The following SAMD11 variants were observed in gnomAD, a reference collection of about 807,000 sequenced individuals.
SAMD11 encodes sterile alpha motif domain containing 11, also known as sterile alpha motif domain-containing protein 11.
SAMD11 carries 77 observed loss-of-function variants against 64.4 expected under a neutral mutation model. The ratio of observed to expected loss-of-function variants is 1.20; its 90% CI spans 0.99 to 1.44. The LOEUF is 1.44. SAMD11 is among the 40% of genes most tolerant of loss of function. SAMD11 has a pLI of 0.00. For synonymous variants in SAMD11, 658 were observed against 421.9 expected (o/e 1.56, Z -6.86); for missense variants, 1,402 against 943.3 (o/e 1.49, Z -6.37).
At chr1:936,678 G>T (rs1439500663) in intron 5 of SAMD11, among the ~76,000 whole-genome samples, 18 of 152,060 alleles carry the variant, frequency 1.2e-4, no homozygotes, top group African/African-American at 4.3e-4. Context: ...CATCTCTTGG[G>T]AAGGAGGGGT....
At position 939,895 on chromosome 1, in the gene SAMD11, A is replaced by T. The variant is rs549461135; in HGVS notation, c.1195+483A>T. On this transcript the variant is annotated intron_variant, in intron 7 of 13. Transcript: ENST00000616016. ...GGCCACCAGGACTCCCCAGGTGCTG[A>T]AGAGACGCCAGCTGGAGGGGCTGCC... 4.1e-4 allele frequency among the ~76,000 whole-genome samples: 62 copies of T among 152,154 alleles called. 1 individual carries two copies. In the South Asian group the frequency reaches 0.012, roughly 30 times the overall value.
At chr1:925,001 C>T (rs1640806663) in intron 1 of SAMD11, 53 bp downstream of exon 1, 1 of 152,326 alleles carries the variant, frequency 6.6e-6, no homozygotes, top group Non-Finnish European at 1.5e-5. Context: ...GACCCCACCC[C>T]CTACCCGACT....
chr1:939,194 G>C, intron 6 of SAMD11, 65 bp downstream of exon 6: 1 of 1,551,844 alleles, frequency 6.4e-7, no homozygotes, highest in Non-Finnish European at 8.7e-7. Context: ...AGGGTCCCCT[G>C]GACCTCGAGC....
intron 5 of SAMD11, among the ~76,000 whole-genome samples, chr1:938,396 A>G (rs1017198918): frequency 1.5e-4 from 23 of 151,632 alleles, no homozygotes; most frequent in African/African-American, 5.4e-4. Context: ...CCAGAAGCCC[A>G]GAGCCTGGCT....
Position 944,332 on chromosome 1 carries a change from G to C in SAMD11, c.*179G>C, listed in dbSNP as rs1415628434. 16 of 1,384,608 alleles carry C rather than the reference G, an allele frequency of 1.2e-5. No individual in the cohort carries two copies. Among genetic ancestry groups the C allele is most frequent in the Non-Finnish European group, 1.3e-5 (14 of 1,076,890 alleles). The allele number at this position is 1,384,608 out of a possible 1,614,324, so 85.8% of individuals were successfully genotyped here. On this transcript the variant is annotated 3_prime_UTR_variant, in exon 14 of 14. Coordinates refer to ENST00000616016, the MANE Select transcript of SAMD11 (RefSeq NM_001385641.1). ...TCAAAGACTTGGGGGAGTGAAGGCA[G>C]AGCCTGGTGCAGATGGACGAGGTCT...
chr1:928,691 C>T (rs1049356337), intron 2 of SAMD11, among the ~76,000 whole-genome samples: 7 of 152,244 alleles, frequency 4.6e-5, no homozygotes, highest in East Asian at 1.9e-4. Flanking sequence ...AGCAGTGCTG[C>T]GTTTTCCCAG....
rs758613821 is a variant in SAMD11, at chr1:941,271, C to CGCCGCCCCAGCT, written c.1332_1343dup (p.Ala445_Pro448dup). On this transcript the variant is annotated inframe_insertion, in exon 8 of 14. Transcript: ENST00000616016. ...AGGGCCTGGCTCAGCACCGGGAGGG[C>CGCCGCCCCAGCT]GCCGCCCCAGCTGCCGCCCCGTCCT... 24 of 1,597,086 alleles carry CGCCGCCCCAGCT rather than the reference C, an allele frequency of 1.5e-5. No homozygotes were observed. The highest frequency in any genetic ancestry group is 1.9e-5 in the Non-Finnish European group (22 of 1,172,282).
In SAMD11 at chr1:942,539, C is replaced by T. The variant is rs1641848925; in HGVS notation, c.1554-20C>T. The stretch of plus-strand genomic sequence containing the variant: ...CGCGCGGCCCGGGAGGCGGCTGACC[C>T]GCGTCTGCCCCCGGCCCAGGCTGGA... On this transcript the variant is annotated intron_variant, in intron 10 of 13. Coordinates refer to ENST00000616016, the MANE Select transcript of SAMD11 (RefSeq NM_001385641.1). The T allele has an allele frequency of 4.3e-6, 6 of 1,406,866 alleles. No individual in the cohort carries two copies. In the East Asian group the frequency reaches 1.5e-4, roughly 36 times the overall value. 87.1% of individuals were successfully genotyped at this position (1,406,866 alleles called of 1,614,324 possible). A position where few individuals can be genotyped will look rare whatever the true frequency, so the allele number is the denominator to read the frequency against.
rs1478582115 is a variant in SAMD11, at chr1:944,386, G to A, written c.*233G>A. On this transcript the variant is annotated 3_prime_UTR_variant, in exon 14 of 14. Coordinates refer to ENST00000616016, the MANE Select transcript of SAMD11 (RefSeq NM_001385641.1). ...GACGGAGGGCAGAGGTGGTGGAAGG[G>A]GCCAGGGGCCTGCAGGCCTCCCCCT... The A allele has an allele frequency of 2.3e-6, 3 of 1,314,648 alleles. No homozygotes were observed. The highest frequency in any genetic ancestry group is 2.9e-5 in the East Asian group (1 of 34,662). The allele number at this position is 1,314,648 out of a possible 1,614,324, so 81.4% of individuals were successfully genotyped here. A position where few individuals can be genotyped will look rare whatever the true frequency, so the allele number is the denominator to read the frequency against.
In SAMD11 at chr1:944,231, T is replaced by C; in HGVS notation, c.*78T>C. On this transcript the variant is annotated 3_prime_UTR_variant, in exon 14 of 14. Transcript: ENST00000616016. The stretch of plus-strand genomic sequence containing the variant: ...ACACAATGGCCCTGCCTCCCACCGC[T>C]TTATTTCTTTCGGTTTCGGATGCAA... The C allele has an allele frequency of 3.4e-6, 5 of 1,459,912 alleles. No homozygotes were observed. In the African/African-American group the frequency reaches 7.1e-5, roughly 21 times the overall value. The allele number at this position is 1,459,912 out of a possible 1,614,324, so 90.4% of individuals were successfully genotyped here.
intron 3 of SAMD11, among the ~76,000 whole-genome samples, chr1:930,543 G>A (rs546532432): frequency 3.3e-4 from 50 of 152,246 alleles, no homozygotes; most frequent in African/African-American, 1.1e-3. Flanking sequence ...TCTGCTCTGC[G>A]GCGCTCACTG....
At chr1:943,139 A>G (rs936281683) in intron 11 of SAMD11, 81 bp downstream of exon 11, 10 of 1,577,134 alleles carry the variant, frequency 6.3e-6, no homozygotes, top group African/African-American at 5.4e-5. Context: ...GGGGGAGGAA[A>G]AATTCCCCTT....
chr1:935,420 C>T (rs1052316406), intron 4 of SAMD11, among the ~76,000 whole-genome samples: 5 of 142,526 alleles, frequency 3.5e-5, no homozygotes, highest in African/African-American at 6.2e-5. Flanking sequence ...TCGGCCTCTT[C>T]CCGGGCGCCC....
Position 937,245 on chromosome 1 carries a change from C to T in SAMD11, c.967+1349C>T, listed in dbSNP as rs976570792. Among the ~76,000 whole-genome samples the T allele has an allele frequency of 9.2e-5, 14 of 152,280 alleles. No homozygotes were observed. The East Asian group carries it at 1.9e-3, about 21-fold the overall frequency. ...ATCCTGTTCCCAGCCCGGGCCCTCC[C>T]GCTAAGCCGCACCTCCCTGGGCCCT... is the stretch of plus-strand genomic sequence containing the variant. On this transcript the variant is annotated intron_variant, in intron 5 of 13. Transcript: ENST00000616016.
rs757895251 is a variant in SAMD11, at chr1:935,725, C to T, written c.843-47C>T. 7 of 1,610,280 alleles carry T rather than the reference C, an allele frequency of 4.3e-6. No homozygotes were observed. In the South Asian group the frequency reaches 7.7e-5, roughly 18 times the overall value. ...TCCCTGTGCCCAGGCTGGGCTCCAG[C>T]CTCGCAGCTGCCCACGGGGTCAGCT... On this transcript the variant is annotated intron_variant, in intron 4 of 13. Transcript: ENST00000616016.
chr1:931,133 C>T, intron 4 of SAMD11, 44 bp downstream of exon 4: 1 of 1,534,620 alleles, frequency 6.5e-7, no homozygotes, highest in African/African-American at 1.4e-5. Flanking sequence ...CCGTGACTCC[C>T]CTCCCTCCCT....
At chr1:927,136 C>T (rs144866534) in intron 2 of SAMD11, among the ~76,000 whole-genome samples, 1 of 152,204 alleles carries the variant, frequency 6.6e-6, no homozygotes, top group African/African-American at 2.4e-5. Context: ...CGACATGGAC[C>T]TGCACGCACA....
At position 935,769 on chromosome 1, in the gene SAMD11, C is replaced by T. The variant is rs780233231; in HGVS notation, c.843-3C>T. On this transcript the variant is annotated splice_region_variant and splice_polypyrimidine_tract_variant and intron_variant, in intron 4 of 13. Transcript: ENST00000616016. ...GTCAGCTTTTCCCGGTCTCGTTCTG[C>T]AGCCAGGACGGCAACCTTCCCACCC... The T allele has an allele frequency of 1.2e-6, 2 of 1,613,174 alleles. No individual in the cohort carries two copies. The highest frequency in any genetic ancestry group is 1.7e-6 in the Non-Finnish European group (2 of 1,179,752).
chr1:925,738 C>T, intron 1 of SAMD11, 184 bp from the exon 2 acceptor site: 1 of 578,678 alleles, frequency 1.7e-6, no homozygotes, highest in Non-Finnish European at 3.1e-6. Context: ...GTTGCAGAGC[C>T]CAGCAGATCC....
Sources: gnomAD v4.1 joint callset for allele counts (sites outside exome capture counted in the v4.1 genomes callset) on GRCh38, gnomAD v4.1.1 for gene constraint, MANE v1.5 for transcripts, NCBI Gene and HGNC (gene_info 2026-07-23, HGNC 2026-07-21) for gene names.